LDLRAD4: variants seen among roughly 807,000 people sequenced by gnomAD.
LDLRAD4 encodes low-density lipoprotein receptor class A domain-containing protein 4.
LDLRAD4 carries 5 observed loss-of-function variants against 17.0 expected under a neutral mutation model. That is an observed-to-expected ratio of 0.29 (90% confidence interval 0.15 to 0.62). The LOEUF (loss-of-function observed/expected upper bound fraction) is 0.62. Among genes scored for constraint, LDLRAD4 ranks in the 20% least tolerant of loss-of-function variants. The probability of loss-of-function intolerance (pLI) is 0.84; values close to 1 mark genes in which losing one functional copy is unlikely to be tolerated. For missense variants in LDLRAD4, 340 were observed against 424.7 expected, an observed-to-expected ratio of 0.80 and a Z score of 1.75; for synonymous variants, 168 against 171.8, an observed-to-expected ratio of 0.98 and a Z score of 0.17.
chr18:13,454,900 C>T (rs773495542), intron 3 of LDLRAD4, among the ~76,000 whole-genome samples: 86 of 152,274 alleles, frequency 5.6e-4, no homozygotes, highest in Non-Finnish European at 1.0e-3. Flanking sequence ...TCAGGCATCC[C>T]ACTTGGCTGC....
At chr18:13,333,755 T>G (rs1237009514) in intron 1 of LDLRAD4, among the ~76,000 whole-genome samples, 1 of 152,244 alleles carries the variant, frequency 6.6e-6, no homozygotes, top group Non-Finnish European at 1.5e-5. Flanking sequence ...TTATGTTCTC[T>G]TGTTCTATTT....
intron 1 of LDLRAD4, among the ~76,000 whole-genome samples, chr18:13,337,168 T>A (rs1308319395): frequency 6.6e-6 from 1 of 152,226 alleles, no homozygotes; most frequent in Non-Finnish European, 1.5e-5. Flanking sequence ...TAAATGGTCT[T>A]GCCTCTGATT....
chr18:13,459,695 T>G (rs1396102557), intron 3 of LDLRAD4, among the ~76,000 whole-genome samples: 1 of 152,190 alleles, frequency 6.6e-6, no homozygotes, highest in African/African-American at 2.4e-5. Flanking sequence ...ATTCGGTGTT[T>G]TAAGCCACTG....
intron 1 of LDLRAD4, among the ~76,000 whole-genome samples, chr18:13,257,318 AG>A (rs2043560210): frequency 6.6e-6 from 1 of 152,236 alleles, no homozygotes. Context: ...CCCAGTGTCA[AG>A]GCCTGAGTGT....
At chr18:13,616,848 C>T (rs1285786623) in intron 3 of LDLRAD4, among the ~76,000 whole-genome samples, 4 of 152,228 alleles carry the variant, frequency 2.6e-5, no homozygotes, top group Admixed American at 6.5e-5. Flanking sequence ...GGACAGTGTT[C>T]CTGCTCCCAC....
chr18:13,306,124 C>A (rs1052933232), intron 1 of LDLRAD4, among the ~76,000 whole-genome samples: 2 of 152,120 alleles, frequency 1.3e-5, no homozygotes, highest in African/African-American at 2.4e-5. Context: ...TTTATAAATG[C>A]AGATGAAAGT....
intron 1 of LDLRAD4, among the ~76,000 whole-genome samples, chr18:13,283,909 G>T (rs2045445962): frequency 6.6e-6 from 1 of 152,180 alleles, no homozygotes; most frequent in East Asian, 1.9e-4. Context: ...ACTTCTTACA[G>T]GGCGGCAGCA....
chr18:13,277,864 C>T (rs1420500174), upstream of LDLRAD4, among the ~76,000 whole-genome samples: 1 of 152,162 alleles, frequency 6.6e-6, no homozygotes, highest in Non-Finnish European at 1.5e-5. Flanking sequence ...GGACTCGGTG[C>T]CCCTGTGACT....
In LDLRAD4 at chr18:13,645,291, G is replaced by T; in HGVS notation, c.555G>T (p.Gly185=). 2 of 1,614,182 alleles carry T rather than the reference G, an allele frequency of 1.2e-6. No individual in the cohort carries two copies. The highest frequency in any genetic ancestry group is 1.7e-6 in the Non-Finnish European group (2 of 1,180,036). ...GTGAAGAGCCACCTCCTTACCAGGG[G>T]CCCTGCACCCTGCAGCTCCGGGACC... The change falls in exon 6 of 6, where the codon GGG becomes GGT. Residue 185 remains glycine, a synonymous_variant. Transcript: ENST00000359446. The surrounding 1 kb of genome is among the most constrained non-coding windows in gnomAD (Gnocchi z 5.7).
intron 1 of LDLRAD4, among the ~76,000 whole-genome samples, chr18:13,382,094 C>T (rs1002044727): frequency 6.6e-6 from 1 of 152,166 alleles, no homozygotes; most frequent in Non-Finnish European, 1.5e-5. Context: ...ATTCCGCCAG[C>T]GAAACAGTCT....
At chr18:13,236,901 C>G (rs372522914) in intron 1 of LDLRAD4, among the ~76,000 whole-genome samples, 2 of 152,210 alleles carry the variant, frequency 1.3e-5, no homozygotes, top group South Asian at 2.1e-4. Context: ...TGCTTGGAAC[C>G]AGCGTGGTTC....
At chr18:13,538,623 C>G (rs1008744054) in intron 3 of LDLRAD4, among the ~76,000 whole-genome samples, 2 of 151,802 alleles carry the variant, frequency 1.3e-5, no homozygotes, top group Non-Finnish European at 2.9e-5. Context: ...CTCCTGGGTT[C>G]AAGCGATTCT....
At chr18:13,492,858 A>T (rs764009573) in intron 3 of LDLRAD4, among the ~76,000 whole-genome samples, 4 of 152,202 alleles carry the variant, frequency 2.6e-5, no homozygotes, top group Non-Finnish European at 5.9e-5. Flanking sequence ...GGCTGGGTGC[A>T]GTGGCTCACA....
chr18:13,279,154 C>T (rs1489423780), intron 1 of LDLRAD4, among the ~76,000 whole-genome samples: 1 of 152,204 alleles, frequency 6.6e-6, no homozygotes, highest in African/African-American at 2.4e-5. Context: ...TCGATTGGCT[C>T]TCGGGAAGCT....
chr18:13,466,447 G>A (rs2092617507), intron 3 of LDLRAD4, among the ~76,000 whole-genome samples: 2 of 136,740 alleles, frequency 1.5e-5, no homozygotes, highest in African/African-American at 5.4e-5. Flanking sequence ...TCCAGCCTGG[G>A]TCACAGAGTG....
rs375203717 is a variant in LDLRAD4, at chr18:13,524,256, A to C, written c.181+85872A>C. On this transcript the variant is annotated intron_variant, in intron 3 of 5. Coordinates refer to ENST00000359446, the Ensembl canonical transcript of LDLRAD4. ...GGTTTTTATTTTACACTTTACTTTG[A>C]AAAAACACACGTGATCAGCACCCTC... Among the ~76,000 whole-genome samples, 24 of 152,350 alleles carry C rather than the reference A, an allele frequency of 1.6e-4. No individual in the cohort carries two copies. The East Asian group carries it at 4.4e-3, about 28-fold the overall frequency.
chr18:13,223,414 G>T (rs1383289614), intron 1 of LDLRAD4, among the ~76,000 whole-genome samples: 10 of 152,172 alleles, frequency 6.6e-5, no homozygotes, highest in Non-Finnish European at 1.5e-4. Context: ...TTGCAGAATG[G>T]CAGGCAGGCT....
At chr18:13,530,221 A>G (rs962613662) in intron 3 of LDLRAD4, among the ~76,000 whole-genome samples, 5 of 152,220 alleles carry the variant, frequency 3.3e-5, no homozygotes, top group African/African-American at 1.2e-4. Context: ...CAATAAAGTG[A>G]TGTGGAAATG....
chr18:13,238,983 C>T (rs915600614), intron 1 of LDLRAD4, among the ~76,000 whole-genome samples: 3 of 151,866 alleles, frequency 2.0e-5, no homozygotes, highest in Admixed American at 6.6e-5. Context: ...GTCAGGAGTT[C>T]GAGACCAGCC....
Sources: allele counts gnomAD v4.1 joint callset (sites outside exome capture counted in the v4.1 genomes callset), GRCh38; gene constraint gnomAD v4.1.1; non-coding constraint Gnocchi (gnomAD v3.1); transcripts MANE v1.5; gene names NCBI Gene and HGNC (gene_info 2026-07-23, HGNC 2026-07-21).